KERA: variants seen among roughly 807,000 people sequenced by gnomAD.
The protein encoded by KERA is keratan sulfate proteoglycan keratocan.
In KERA, 25 loss-of-function variants were observed where a neutral mutation model predicts 26.4. The observed-to-expected ratio is 0.95, with a 90% CI of 0.69 to 1.32. The LOEUF is 1.32. Ranked by LOEUF, KERA falls within the 40% of genes most tolerant of loss-of-function variation. The pLI is 0.00. For synonymous variants in KERA, 167 were observed against 146.1 expected (o/e 1.14, Z -1.03); for missense variants, 434 against 408.9 (o/e 1.06, Z -0.53).
rs750062047 is a variant in KERA, at chr12:91,055,822, C to A, written c.460G>T (p.Val154Leu). ...AAGGTCCCTTGAGGAATTCTGGACA[C>A]CTTATTTCTAGCTAATTGTAATTGT... is the stretch of plus-strand genomic sequence containing the variant. Reference protein sequence around the residue: ...LEQLQLARNKVSRIPQGTFSN... With the variant: ...LEQLQLARNKLSRIPQGTFSN... Residue 154 changes from valine (V) to leucine (L), a missense_variant, in exon 2 of 3, where the codon GTG becomes TTG. Coordinates refer to ENST00000266719, the MANE Select transcript of KERA (RefSeq NM_007035.4). 87 of 1,611,298 alleles carry A rather than the reference C, an allele frequency of 5.4e-5. No individual in the cohort carries two copies. In the East Asian group the frequency reaches 1.9e-3, roughly 35 times the overall value.
Position 91,056,111 on chromosome 12 carries a change from A to C in KERA, c.171T>G (p.Tyr57Ter). 6.2e-7 allele frequency: 1 copy of C among 1,610,242 alleles called. No individual in the cohort carries two copies. The highest frequency in any genetic ancestry group is 8.5e-7 in the Non-Finnish European group (1 of 1,177,858). ...FCPPSFPTAL[Y>*]CENRGLKEIP... Reference sequence around the variant, plus strand: ...TTTCTTTGAGACCTCTATTTTCACAATATAAAGCAGTAGGAAAACTGGGTG... The same window carrying C: ...TTTCTTTGAGACCTCTATTTTCACACTATAAAGCAGTAGGAAAACTGGGTG... The change falls in exon 2 of 3, where the codon TAT (tyrosine) becomes TAG (stop). Residue 57 changes from tyrosine to a stop codon, truncating the protein, a stop_gained. Transcript: ENST00000266719. LOFTEE classifies it high-confidence loss of function.
In KERA at chr12:91,057,787, G is replaced by A. The variant is rs1879053210; in HGVS notation, c.-52C>T. 1 of 147,252 alleles carries A rather than the reference G, an allele frequency of 6.8e-6. No individual in the cohort carries two copies. Among genetic ancestry groups the A allele is most frequent in the Admixed American group, 6.8e-5 (1 of 14,670 alleles). The allele number at this position is 147,252 out of a possible 1,614,324, so 9.1% of individuals were successfully genotyped here. A position where few individuals can be genotyped will look rare whatever the true frequency, so the allele number is the denominator to read the frequency against. On this transcript the variant is annotated 5_prime_UTR_variant, in exon 1 of 3. Transcript: ENST00000266719. The stretch of plus-strand genomic sequence containing the variant: ...ACCGTTGAGTCCTGTGTCTCAGTCT[G>A]AGGTTTGCTAAAAATCAGTTAAGAG...
Position 91,055,959 on chromosome 12 carries a change from GTTA to G in KERA, c.320_322del (p.Ile107del). On this transcript the variant is annotated inframe_deletion, in exon 2 of 3. Transcript: ENST00000266719. ...GGCTCCTTTTTCAATTCCGTAGTTG[GTTA>G]TTTTGTTCTTGTTTAGATTTATCCA... 1 of 1,610,998 alleles carries G rather than the reference GTTA, an allele frequency of 6.2e-7. No individual in the cohort carries two copies. Among genetic ancestry groups the G allele is most frequent in the Non-Finnish European group, 8.5e-7 (1 of 1,178,122 alleles).
chr12:91,051,264 G>A lies in KERA; in HGVS notation c.*82C>T, dbSNP rs1012453237. The A allele has an allele frequency of 7.0e-6, 8 of 1,148,510 alleles. No individual in the cohort carries two copies. Among genetic ancestry groups the A allele is most frequent in the Non-Finnish European group, 9.1e-6 (7 of 766,330 alleles). The allele number at this position is 1,148,510 out of a possible 1,614,324, so 71.1% of individuals were successfully genotyped here. A position where few individuals can be genotyped will look rare whatever the true frequency, so the allele number is the denominator to read the frequency against. On this transcript the variant is annotated 3_prime_UTR_variant, in exon 3 of 3. Coordinates refer to ENST00000266719, the MANE Select transcript of KERA (RefSeq NM_007035.4). ...CCGAGAGCAATGGGGAATATGACTT[G>A]TGTCCTAAACCTATTAATGGTAACC...
In KERA at chr12:91,051,166, C is replaced by A; in HGVS notation, c.*180G>T. The A allele has an allele frequency of 1.7e-6, 1 of 580,526 alleles. No individual in the cohort carries two copies. The highest frequency in any genetic ancestry group is 2.0e-5 in the South Asian group (1 of 49,734). The allele number at this position is 580,526 out of a possible 1,614,324, so 36.0% of individuals were successfully genotyped here. On this transcript the variant is annotated 3_prime_UTR_variant, in exon 3 of 3. Transcript: ENST00000266719. ...TAATTAAAAGAAAAGCAAATTAATG[C>A]AGGCTGTGATGCATGTAACTGGCAA...
chr12:91,053,208 T>C (rs987831082), intron 2 of KERA, among the ~76,000 whole-genome samples: 11 of 151,404 alleles, frequency 7.3e-5, no homozygotes, highest in African/African-American at 2.7e-4. Context: ...CCAGGGAAAC[T>C]CTTATATTTA....
chr12:91,057,454 T>C (rs1046455979), intron 1 of KERA, among the ~76,000 whole-genome samples: 2 of 150,486 alleles, frequency 1.3e-5, no homozygotes, highest in African/African-American at 4.9e-5. Context: ...GAAATAAATT[T>C]TACTGATTCC....
At chr12:91,057,111 T>C (rs936961391) in intron 1 of KERA, among the ~76,000 whole-genome samples, 1 of 150,610 alleles carries the variant, frequency 6.6e-6, no homozygotes, top group Non-Finnish European at 1.5e-5. Flanking sequence ...ATGAGTATTG[T>C]ATTCAACTAT....
In KERA at chr12:91,056,040, T is replaced by C. The variant is rs1363817353; in HGVS notation, c.242A>G (p.Asn81Ser). 2.5e-6 allele frequency: 4 copies of C among 1,609,156 alleles called. No homozygotes were observed. Among genetic ancestry groups the C allele is most frequent in the East Asian group, 4.5e-5 (2 of 44,790 alleles). ...SRIWYLYLQN[N>S]LIETIPEKPF... ...CTTTTCAGGAATGGTTTCTATCAGG[T>C]TGTTTTGAAGATAAAGATACCAAAT... The change falls in exon 2 of 3, where the codon AAC becomes AGC. Residue 81 changes from asparagine (N) to serine (S), a missense_variant. Asn to Ser is a conservative substitution (Grantham distance 46, BLOSUM62 1). Transcript: ENST00000266719.
chr12:91,055,181 C>T (rs1878960707), intron 2 of KERA, among the ~76,000 whole-genome samples: 1 of 151,070 alleles, frequency 6.6e-6, no homozygotes, highest in African/African-American at 2.4e-5. Flanking sequence ...CTCAAGTCCA[C>T]TTTTTAGTCT....
At chr12:91,051,599 G>C in intron 2 of KERA, 81 bp from the exon 3 acceptor site, 1 of 1,002,388 alleles carries the variant, frequency 1.0e-6, no homozygotes, top group Non-Finnish European at 1.6e-6. Context: ...CTAATGCCAT[G>C]GTCCTATGGA....
chr12:91,053,387 C>G (rs1878912506), intron 2 of KERA, among the ~76,000 whole-genome samples: 1 of 151,272 alleles, frequency 6.6e-6, no homozygotes, highest in African/African-American at 2.4e-5. Context: ...ACTTCAGACT[C>G]AGGTTCTGGC....
chr12:91,055,912 G>C lies in KERA; in HGVS notation c.370C>G (p.Leu124Val), dbSNP rs142001622. The C allele has an allele frequency of 6.2e-7, 1 of 1,611,136 alleles. No homozygotes were observed. The highest frequency in any genetic ancestry group is 2.2e-5 in the East Asian group (1 of 44,802). Residue 124 changes from leucine (L) to valine (V), a missense_variant, in exon 2 of 3, where the codon CTC (leucine) becomes GTC (valine). Physicochemically the swap from Leu to Val is conservative, Grantham distance 32. Transcript: ENST00000266719. The part of the protein sequence containing the change: ...KGALSQLKKL[L>V]FLFLEDNELE... ...TCATTATCTTCCAGAAATAAGAAGA[G>C]CAACTTCTTCAGCTGGCTTAGGGCT...
Position 91,056,190 on chromosome 12 carries a change from T to C in KERA, c.92A>G (p.Asp31Gly). The C allele has an allele frequency of 6.2e-7, 1 of 1,610,056 alleles. No individual in the cohort carries two copies. Among genetic ancestry groups the C allele is most frequent in the South Asian group, 1.1e-5 (1 of 90,944 alleles). Residue 31 changes from aspartate to glycine, a missense_variant, in exon 2 of 3, where the codon GAT (aspartate) becomes GGT (glycine). Coordinates refer to ENST00000266719, the MANE Select transcript of KERA (RefSeq NM_007035.4). ...GTCATGAATAGTCCAATCATCTGAA[T>C]CATGTACTTCATAGACCTGCCTCAC... ...RSVRQVYEVH[D>G]SDDWTIHDFE...
At position 91,055,430 on chromosome 12, in the gene KERA, C is replaced by A. The variant is rs746981716; in HGVS notation, c.852G>T (p.Leu284=). Residue 284 remains leucine, a synonymous_variant, in exon 2 of 3, where the codon CTG becomes CTT. Coordinates refer to ENST00000266719, the MANE Select transcript of KERA (RefSeq NM_007035.4). ...TGTTATGATCAAGGTGAAGGTGCTG[C>A]AGATGAGCACTGATTCGGGGAACCT... ...LTKVPRISAH[L]QHLHLDHNKI... 4.3e-6 allele frequency: 7 copies of A among 1,610,182 alleles called. No individual in the cohort carries two copies. The highest frequency in any genetic ancestry group is 5.9e-6 in the Non-Finnish European group (7 of 1,177,540).
At position 91,056,067 on chromosome 12, in the gene KERA, C is replaced by A. The variant is rs567010026; in HGVS notation, c.215G>T (p.Arg72Ile). 8.1e-6 allele frequency: 13 copies of A among 1,607,958 alleles called. No individual in the cohort carries two copies. In the South Asian group the frequency reaches 1.1e-4, roughly 14 times the overall value. The part of the protein sequence containing the change: ...GLKEIPAIPS[R>I]IWYLYLQNNL... The stretch of plus-strand genomic sequence containing the variant: ...GTTTTGAAGATAAAGATACCAAATT[C>A]TTGAAGGAATAGCAGGAATTTCTTT... Residue 72 changes from arginine to isoleucine, a missense_variant, in exon 2 of 3, where the codon AGA becomes ATA. Transcript: ENST00000266719.
chr12:91,055,721 A>C lies in KERA; in HGVS notation c.561T>G (p.Thr187=), dbSNP rs1878982824. The C allele has an allele frequency of 6.2e-7, 1 of 1,611,448 alleles. No homozygotes were observed. The highest frequency in any genetic ancestry group is 1.3e-5 in the African/African-American group (1 of 74,764). Residue 187 remains threonine (T), a synonymous_variant, in exon 2 of 3, where the codon ACT becomes ACG. Coordinates refer to ENST00000266719, the MANE Select transcript of KERA (RefSeq NM_007035.4). ...KLVDNAFQRD[T]FKGLKNLMQL... ...GCATGAGATTCTTGAGTCCTTTAAAAGTGTCTCTTTGAAAGGCATTGTCCA... is the reference window on the plus strand; with the variant it reads ...GCATGAGATTCTTGAGTCCTTTAAACGTGTCTCTTTGAAAGGCATTGTCCA...
Position 91,055,426 on chromosome 12 carries a change from G to A in KERA, c.856C>T (p.His286Tyr). 1.2e-6 allele frequency: 2 copies of A among 1,610,324 alleles called. No homozygotes were observed. Among genetic ancestry groups the A allele is most frequent in the African/African-American group, 1.3e-5 (1 of 74,704 alleles). Residue 286 changes from histidine (H) to tyrosine (Y), a missense_variant, in exon 2 of 3, where the codon CAC becomes TAC. Physicochemically the swap from His to Tyr is moderately conservative, Grantham distance 83. Transcript: ENST00000266719. Reference protein sequence around the residue: ...KVPRISAHLQHLHLDHNKIKS... With the variant: ...KVPRISAHLQYLHLDHNKIKS... Reference sequence around the variant, plus strand: ...ATTTTGTTATGATCAAGGTGAAGGTGCTGCAGATGAGCACTGATTCGGGGA... The same window carrying A: ...ATTTTGTTATGATCAAGGTGAAGGTACTGCAGATGAGCACTGATTCGGGGA...
intron 2 of KERA, among the ~76,000 whole-genome samples, chr12:91,052,145 TA>T (rs150635586): frequency 0.03 from 4,578 of 151,672 alleles, 73 homozygotes; most frequent in African/African-American, 0.035. Context: ...AAAATTTTGC[TA>T]AGAATTGAAT....
Sources: allele counts gnomAD v4.1 joint callset (sites outside exome capture counted in the v4.1 genomes callset), GRCh38; gene constraint gnomAD v4.1.1; transcripts MANE v1.5; gene names NCBI Gene and HGNC (gene_info 2026-07-23, HGNC 2026-07-21).